RAB3C: variants seen among roughly 807,000 people sequenced by gnomAD.
RAB3C encodes the protein ras-related protein Rab-3C.
RAB3C carries 17 observed loss-of-function variants against 26.4 expected under a neutral mutation model. The ratio of observed to expected loss-of-function variants is 0.64; its 90% confidence interval spans 0.44 to 0.97. The LOEUF (loss-of-function observed/expected upper bound fraction) is 0.97, where lower values mean the gene tolerates loss of function less well. Ranked by LOEUF, RAB3C falls within the 50% of genes least tolerant of loss-of-function variation. RAB3C has a pLI of 0.00. For missense variants in RAB3C, 242 were observed against 281.9 expected, an observed-to-expected ratio of 0.86 and a Z score of 1.01; for synonymous variants, 91 against 95.9, an observed-to-expected ratio of 0.95 and a Z score of 0.30.
At chr5:58,661,994 C>T (rs1747914531) in intron 2 of RAB3C, among the ~76,000 whole-genome samples, 2 of 150,070 alleles carry the variant, frequency 1.3e-5, no homozygotes, top group Non-Finnish European at 1.5e-5. Context: ...ACTGCTCATT[C>T]TCTCCCACAT....
intron 2 of RAB3C, among the ~76,000 whole-genome samples, chr5:58,670,895 T>C (rs907687902): frequency 6.6e-6 from 1 of 152,164 alleles, no homozygotes; most frequent in East Asian, 1.9e-4. Flanking sequence ...CCATATCTAG[T>C]CAGTATGCAA....
intron 2 of RAB3C, among the ~76,000 whole-genome samples, chr5:58,639,735 C>T (rs1397387284): frequency 6.6e-6 from 1 of 152,054 alleles, no homozygotes; most frequent in Non-Finnish European, 1.5e-5. Flanking sequence ...CTCCTTTTTC[C>T]CAGAATCACC....
At chr5:58,710,648 A>G (rs867412557) in intron 2 of RAB3C, among the ~76,000 whole-genome samples, 17 of 151,628 alleles carry the variant, frequency 1.1e-4, no homozygotes, top group South Asian at 1.0e-3. Context: ...ATAAATAGAA[A>G]TTTTAAAAAA....
At chr5:58,661,199 C>T (rs1245824653) in intron 2 of RAB3C, among the ~76,000 whole-genome samples, 1 of 150,160 alleles carries the variant, frequency 6.7e-6, no homozygotes, top group African/African-American at 2.5e-5. Context: ...ATAGTCATGT[C>T]TCATGGGCTT....
intron 3 of RAB3C, among the ~76,000 whole-genome samples, chr5:58,747,353 C>A (rs150335428): frequency 6.6e-6 from 1 of 152,222 alleles, no homozygotes; most frequent in Non-Finnish European, 1.5e-5. Flanking sequence ...ATTTATATTT[C>A]ATCTAAAATT....
chr5:58,810,460 C>A (rs759611784), intron 3 of RAB3C, among the ~76,000 whole-genome samples: 26 of 151,034 alleles, frequency 1.7e-4, no homozygotes, highest in Non-Finnish European at 1.9e-4. Context: ...GAGATATGAT[C>A]ATTACTATTT....
rs1040154727 is a variant in RAB3C, at chr5:58,684,369, A to G, written c.253-41633A>G. ...TTTGGAATCAACTTAATTTTGGAAC[A>G]GGACCTGGGATTGACAGAAGCAGTC... On this transcript the variant is annotated intron_variant, in intron 2 of 4. Transcript: ENST00000282878. 1.6e-4 allele frequency among the ~76,000 whole-genome samples: 25 copies of G among 152,214 alleles called. 1 individual carries two copies. Among genetic ancestry groups the G allele is most frequent in the Admixed American group, 2.0e-4 (3 of 15,268 alleles).
At chr5:58,620,445 G>A (rs1014233861) in intron 2 of RAB3C, among the ~76,000 whole-genome samples, 1 of 152,120 alleles carries the variant, frequency 6.6e-6, no homozygotes, top group African/African-American at 2.4e-5. Flanking sequence ...TTGTGCTTAT[G>A]GAACTTGTAG....
At chr5:58,593,598 A>G (rs1746183532) in intron 1 of RAB3C, among the ~76,000 whole-genome samples, 1 of 152,194 alleles carries the variant, frequency 6.6e-6, no homozygotes, top group African/African-American at 2.4e-5. Flanking sequence ...TGAAATTTTA[A>G]CAAGGTGCAA....
At chr5:58,634,898 A>G (rs953406725) in intron 2 of RAB3C, among the ~76,000 whole-genome samples, 3 of 152,172 alleles carry the variant, frequency 2.0e-5, no homozygotes, top group African/African-American at 7.2e-5. Flanking sequence ...GAAGATGAAG[A>G]CTTATTTCAA....
At chr5:58,643,029 C>G (rs902641148) in intron 2 of RAB3C, among the ~76,000 whole-genome samples, 1 of 152,166 alleles carries the variant, frequency 6.6e-6, no homozygotes, top group Non-Finnish European at 1.5e-5. Flanking sequence ...CCAAATCAGA[C>G]TCTTTAATGT....
At chr5:58,583,276 G>C in intron 1 of RAB3C, 44 bp downstream of exon 1, 1 of 1,613,418 alleles carries the variant, frequency 6.2e-7, no homozygotes, top group African/African-American at 1.3e-5. Flanking sequence ...AATTGAAAGA[G>C]ATGCTTTTCC....
At chr5:58,779,275 G>A (rs1742217778) in intron 3 of RAB3C, among the ~76,000 whole-genome samples, 1 of 151,320 alleles carries the variant, frequency 6.6e-6, no homozygotes, top group Non-Finnish European at 1.5e-5. Flanking sequence ...TCCAAAAAAG[G>A]AACTTGTAGA....
intron 3 of RAB3C, among the ~76,000 whole-genome samples, chr5:58,810,788 G>A (rs868217684): frequency 6.6e-6 from 1 of 152,130 alleles, no homozygotes; most frequent in African/African-American, 2.4e-5. Context: ...GTAGAGACGG[G>A]GTTTCGCCAT....
chr5:58,691,774 A>G (rs1474374693), intron 2 of RAB3C, among the ~76,000 whole-genome samples: 1 of 152,130 alleles, frequency 6.6e-6, no homozygotes, highest in East Asian at 1.9e-4. Context: ...TTTGGACTAG[A>G]GTTTATCTAT....
chr5:58,814,114 T>C (rs1743159988), intron 3 of RAB3C, among the ~76,000 whole-genome samples: 1 of 152,172 alleles, frequency 6.6e-6, no homozygotes, highest in Admixed American at 6.6e-5. Context: ...TATCACTATA[T>C]CCAGTTCCCT....
At position 58,754,420 on chromosome 5, in the gene RAB3C, T is replaced by C. The variant is rs1012686353; in HGVS notation, c.371+28300T>C. ...CCTAACCCAGGTAGCTTGCATATAT[T>C]AGGCATTAGGTAAATGCTTGCCAAA... is the stretch of plus-strand genomic sequence containing the variant. On this transcript the variant is annotated intron_variant, in intron 3 of 4. Transcript: ENST00000282878. 3.9e-5 allele frequency among the ~76,000 whole-genome samples: 6 copies of C among 152,166 alleles called. No individual in the cohort carries two copies. The South Asian group carries it at 1.2e-3, about 32-fold the overall frequency.
intron 3 of RAB3C, among the ~76,000 whole-genome samples, chr5:58,744,360 T>C (rs2111952105): frequency 6.6e-6 from 1 of 152,340 alleles, no homozygotes; most frequent in South Asian, 2.1e-4. Context: ...ATCTTATTAA[T>C]GGAAGTAGAC....
At chr5:58,787,080 C>T (rs1308856542) in intron 3 of RAB3C, among the ~76,000 whole-genome samples, 1 of 152,192 alleles carries the variant, frequency 6.6e-6, no homozygotes, top group Admixed American at 6.5e-5. Context: ...GTGGCCACTA[C>T]TGGCAGCCCC....
Sources: gnomAD v4.1 joint callset for allele counts (sites outside exome capture counted in the v4.1 genomes callset) on GRCh38, gnomAD v4.1.1 for gene constraint, MANE v1.5 for transcripts, NCBI Gene and HGNC (gene_info 2026-07-23, HGNC 2026-07-21) for gene names.